The following FMN2 variants were observed in gnomAD, a reference collection of about 807,000 sequenced individuals.
FMN2 encodes the protein formin-2.
Under a neutral mutation model 142.3 loss-of-function variants are expected in FMN2, and 51 were observed. The observed-to-expected ratio is 0.36, with a 90% CI of 0.29 to 0.45. The LOEUF (loss-of-function observed/expected upper bound fraction) is 0.45. Ranked by LOEUF, FMN2 falls within the 20% of genes least tolerant of loss-of-function variation. The pLI, the probability that FMN2 is intolerant of heterozygous loss-of-function variation, is 1.00. For synonymous variants in FMN2, 882 were observed against 869.8 expected (o/e 1.01, Z -0.25); for missense variants, 1,936 against 2,122.8 (o/e 0.91, Z 1.73).
intron 3 of FMN2, among the ~76,000 whole-genome samples, chr1:240,184,211 A>G (rs988606876): frequency 8.3e-5 from 12 of 145,432 alleles, no homozygotes; most frequent in Admixed American, 2.0e-4. Flanking sequence ...ATTTTGAGGT[A>G]ACTTTTTAAA....
intron 15 of FMN2, among the ~76,000 whole-genome samples, chr1:240,422,913 C>A (rs1189152434): frequency 6.6e-6 from 1 of 152,196 alleles, no homozygotes; most frequent in Non-Finnish European, 1.5e-5. Context: ...TTTCAAACTT[C>A]TCTTCCACCT....
chr1:240,247,832 T>C (rs1178607157), intron 6 of FMN2, among the ~76,000 whole-genome samples: 1 of 152,196 alleles, frequency 6.6e-6, no homozygotes, highest in Non-Finnish European at 1.5e-5. Context: ...ATAATATTTA[T>C]ACATATTTAT....
At chr1:240,204,192 A>G (rs1443577770) in intron 4 of FMN2, among the ~76,000 whole-genome samples, 1 of 152,148 alleles carries the variant, frequency 6.6e-6, no homozygotes, top group Non-Finnish European at 1.5e-5. Context: ...TTGTGTTTCT[A>G]AATTACTGGT....
chr1:240,402,068 C>A (rs1200392714), intron 15 of FMN2, among the ~76,000 whole-genome samples: 1 of 152,178 alleles, frequency 6.6e-6, no homozygotes, highest in East Asian at 1.9e-4. Context: ...ATTTTGTAAA[C>A]CTCACACACA....
At chr1:240,380,438 G>A (rs1407098177) in intron 14 of FMN2, among the ~76,000 whole-genome samples, 4 of 152,010 alleles carry the variant, frequency 2.6e-5, no homozygotes, top group Non-Finnish European at 5.9e-5. Context: ...TGAAATGAAT[G>A]AAACTAGATA....
At chr1:240,465,380 G>GTGTC (rs1553268380) in intron 16 of FMN2, among the ~76,000 whole-genome samples, 1 of 105,456 alleles carries the variant, frequency 9.5e-6, no homozygotes, top group Non-Finnish European at 2.0e-5. Flanking sequence ...GTGTGTGTGT[G>GTGTC]TGTGTGTCTG....
intron 14 of FMN2, among the ~76,000 whole-genome samples, chr1:240,389,474 T>C (rs1488493317): frequency 1.3e-5 from 2 of 152,210 alleles, no homozygotes; most frequent in East Asian, 3.9e-4. Flanking sequence ...CTGGTCTGAT[T>C]GGGGTCACTG....
intron 11 of FMN2, among the ~76,000 whole-genome samples, chr1:240,332,022 CTG>C (rs916374797): frequency 6.6e-6 from 1 of 152,130 alleles, no homozygotes; most frequent in Non-Finnish European, 1.5e-5. Flanking sequence ...GAGTCGGAGA[CTG>C]TGTCTCTGTG....
At chr1:240,373,998 G>A (rs1359247617) in intron 14 of FMN2, among the ~76,000 whole-genome samples, 4 of 152,202 alleles carry the variant, frequency 2.6e-5, no homozygotes, top group African/African-American at 7.2e-5. Context: ...AATAGATGTT[G>A]TATTAGCAGG....
chr1:240,092,096 A>C lies in FMN2; in HGVS notation c.-14A>C, dbSNP rs1354895649. Reference sequence around the variant, plus strand: ...AGTGCCCGCGGCGCGGCGGCGCAGCAGCGGGATTGCACCATGGGGAACCAG... The same window carrying C: ...AGTGCCCGCGGCGCGGCGGCGCAGCCGCGGGATTGCACCATGGGGAACCAG... On this transcript the variant is annotated 5_prime_UTR_variant, in exon 1 of 18. Transcript: ENST00000319653. The C allele has an allele frequency of 6.5e-7, 1 of 1,541,842 alleles. No homozygotes were observed. Among genetic ancestry groups the C allele is most frequent in the African/African-American group, 1.4e-5 (1 of 73,088 alleles).
chr1:240,429,911 A>T (rs1419131500), intron 15 of FMN2, among the ~76,000 whole-genome samples: 5 of 146,208 alleles, frequency 3.4e-5, no homozygotes, highest in African/African-American at 1.3e-4. Flanking sequence ...TTTGAGGCAG[A>T]GTCTCGCTCT....
intron 4 of FMN2, among the ~76,000 whole-genome samples, chr1:240,206,339 G>A (rs1240534053): frequency 6.6e-6 from 1 of 152,104 alleles, no homozygotes; most frequent in African/African-American, 2.4e-5. Context: ...TTGCCCATAT[G>A]GATATCAAAA....
intron 4 of FMN2, among the ~76,000 whole-genome samples, chr1:240,203,758 A>T (rs1035287374): frequency 1.3e-5 from 2 of 152,196 alleles, no homozygotes; most frequent in Admixed American, 1.3e-4. Context: ...ACCATGGCCC[A>T]CGTTGACCTA....
In FMN2 at chr1:240,165,496, A is replaced by G. The variant is rs966854381; in HGVS notation, c.1783-12425A>G. 7.2e-5 allele frequency among the ~76,000 whole-genome samples: 11 copies of G among 152,140 alleles called. 1 individual carries two copies. The Middle Eastern group carries it at 0.01, about 141-fold the overall frequency. ...TTTGCTGAAGTCTATTTTGTCTTTT[A>G]TCTTCTTGGAGAGATTTAACATAGC... On this transcript the variant is annotated intron_variant, in intron 2 of 17. Transcript: ENST00000319653.
At chr1:240,197,383 G>C (rs1665955582) in intron 4 of FMN2, among the ~76,000 whole-genome samples, 1 of 152,076 alleles carries the variant, frequency 6.6e-6, no homozygotes, top group Non-Finnish European at 1.5e-5. Context: ...CCTGAGTTCT[G>C]TGGGCTGGTC....
intron 6 of FMN2, among the ~76,000 whole-genome samples, chr1:240,216,141 C>T (rs959644170): frequency 6.6e-6 from 1 of 152,196 alleles, no homozygotes; most frequent in African/African-American, 2.4e-5. Context: ...GTAAGAGCCA[C>T]TTGCTTGTGT....
chr1:240,157,654 T>C (rs1174686765), intron 2 of FMN2, among the ~76,000 whole-genome samples: 1 of 152,182 alleles, frequency 6.6e-6, no homozygotes, highest in Non-Finnish European at 1.5e-5. Context: ...CTATAGTAAC[T>C]GTAGTTGGTA....
At chr1:240,133,048 G>C (rs938027015) in intron 2 of FMN2, among the ~76,000 whole-genome samples, 1 of 152,210 alleles carries the variant, frequency 6.6e-6, no homozygotes, top group Non-Finnish European at 1.5e-5. Flanking sequence ...CTGGGGCACT[G>C]CCAAGCATTC....
At chr1:240,343,987 A>G (rs1400257505) in intron 13 of FMN2, among the ~76,000 whole-genome samples, 2 of 152,292 alleles carry the variant, frequency 1.3e-5, no homozygotes, top group East Asian at 1.9e-4. Context: ...AGTGACCATG[A>G]GATGATAGAA....
Sources: allele counts gnomAD v4.1 joint callset (sites outside exome capture counted in the v4.1 genomes callset), GRCh38; gene constraint gnomAD v4.1.1; transcripts MANE v1.5; gene names NCBI Gene and HGNC (gene_info 2026-07-23, HGNC 2026-07-21).